Variants in KCNIP4 observed in about 807,000 individuals in gnomAD.
The protein encoded by KCNIP4 is Kv channel-interacting protein 4.
KCNIP4 carries 12 observed loss-of-function variants against 34.0 expected under a neutral mutation model. The ratio of observed to expected loss-of-function variants is 0.35; its 90% CI spans 0.23 to 0.57. The LOEUF (loss-of-function observed/expected upper bound fraction) is 0.57. Among genes scored for constraint, KCNIP4 ranks in the 20% least tolerant of loss-of-function variants. KCNIP4 has a pLI of 0.83. For missense variants in KCNIP4, 238 were observed against 311.7 expected (o/e 0.76, Z 1.78); for synonymous variants, 124 against 102.2 (o/e 1.21, Z -1.29).
chr4:21,458,161 A>C (rs968539963), intron 1 of KCNIP4, among the ~76,000 whole-genome samples: 3 of 108,768 alleles, frequency 2.8e-5, no homozygotes, highest in African/African-American at 1.1e-4. Flanking sequence ...ACCCTACCAC[A>C]GTCCCCAGAG....
chr4:21,814,404 G>A (rs1721848460), intron 1 of KCNIP4, among the ~76,000 whole-genome samples: 1 of 152,072 alleles, frequency 6.6e-6, no homozygotes, highest in Non-Finnish European at 1.5e-5. Context: ...CTGTTCTTGT[G>A]ACAGTGAATA....
At chr4:21,073,070 C>A (rs968573705) in intron 1 of KCNIP4, among the ~76,000 whole-genome samples, 2 of 152,180 alleles carry the variant, frequency 1.3e-5, no homozygotes, top group Non-Finnish European at 2.9e-5. Context: ...AGTTTGAAGT[C>A]AGGTAGCATG....
intron 1 of KCNIP4, among the ~76,000 whole-genome samples, chr4:21,125,405 C>T (rs373196510): frequency 2.6e-5 from 4 of 151,698 alleles, no homozygotes; most frequent in Non-Finnish European, 5.9e-5. Context: ...TTAGTAGAGA[C>T]GGGGTTTCAC....
intron 1 of KCNIP4, among the ~76,000 whole-genome samples, chr4:21,379,131 G>A (rs917280691): frequency 1.3e-5 from 2 of 151,694 alleles, no homozygotes; most frequent in South Asian, 4.2e-4. Context: ...TCTTATTTTT[G>A]GTGTTCTACA....
At chr4:21,351,224 T>G (rs1315610593) in intron 1 of KCNIP4, among the ~76,000 whole-genome samples, 1 of 152,120 alleles carries the variant, frequency 6.6e-6, no homozygotes, top group Non-Finnish European at 1.5e-5. Context: ...TCTGATATGG[T>G]TTGGCTGTGT....
rs1577503906 is a variant in KCNIP4 at position 21,517,092 on chromosome 4, G to T, written c.61+431479C>A. 2.0e-5 allele frequency among the ~76,000 whole-genome samples: 3 copies of T among 152,154 alleles called. No homozygotes were observed. In the South Asian group the frequency reaches 6.2e-4, roughly 32 times the overall value. On this transcript the variant is annotated intron_variant, in intron 1 of 8. Coordinates refer to ENST00000382152, the MANE Select transcript of KCNIP4 (RefSeq NM_025221.6). ...GAAGATCCTCATAGCTTTTTGTGAAGAACAATGGAAATTCTAAGGCTTCAT... is the reference window on the plus strand; with the variant it reads ...GAAGATCCTCATAGCTTTTTGTGAATAACAATGGAAATTCTAAGGCTTCAT...
chr4:21,779,728 T>G (rs965581014), intron 1 of KCNIP4, among the ~76,000 whole-genome samples: 7 of 151,974 alleles, frequency 4.6e-5, no homozygotes, highest in Non-Finnish European at 1.0e-4. Context: ...CACAGCAAGA[T>G]CCCATACCTA....
chr4:21,812,110 T>C (rs1298853344), intron 1 of KCNIP4, among the ~76,000 whole-genome samples: 1 of 152,214 alleles, frequency 6.6e-6, no homozygotes, highest in African/African-American at 2.4e-5. Flanking sequence ...TCACAATAAC[T>C]ATTTTCCAGA....
At chr4:21,238,191 A>G (rs1759519934) in intron 1 of KCNIP4, among the ~76,000 whole-genome samples, 1 of 152,224 alleles carries the variant, frequency 6.6e-6, no homozygotes, top group Non-Finnish European at 1.5e-5. Context: ...GCTTCATGCT[A>G]AAAACTCTCA....
chr4:20,754,469 G>T (rs1414290888), intron 4 of KCNIP4, among the ~76,000 whole-genome samples: 1 of 152,164 alleles, frequency 6.6e-6, no homozygotes, highest in African/African-American at 2.4e-5. Context: ...GCCATCACAT[G>T]AATTCGCCTG....
chr4:21,229,852 ATACTTACAGGCAGCTG>A (rs753372618), intron 1 of KCNIP4, among the ~76,000 whole-genome samples: 4 of 152,170 alleles, frequency 2.6e-5, no homozygotes, highest in South Asian at 2.1e-4. Context: ...TCTTCTTCGC[ATACTTACAGGCAGCTG>A]TAATCTACTT....
intron 1 of KCNIP4, among the ~76,000 whole-genome samples, chr4:21,093,049 GACTATATGT>G (rs1747141014): frequency 6.6e-6 from 1 of 152,152 alleles, no homozygotes; most frequent in South Asian, 2.1e-4. Context: ...TAATTTAAAA[GACTATATGT>G]ACATTCTCAA....
At chr4:21,845,199 A>G (rs1446041148) in intron 1 of KCNIP4, 1 of 152,076 alleles carries the variant, frequency 6.6e-6, no homozygotes, top group Non-Finnish European at 1.5e-5. Flanking sequence ...TTGCTTCTGT[A>G]AAGGACCAGT....
At chr4:21,759,648 C>A (rs904101093) in intron 1 of KCNIP4, among the ~76,000 whole-genome samples, 16 of 152,072 alleles carry the variant, frequency 1.1e-4, no homozygotes, top group Admixed American at 9.8e-4. Context: ...AAGAGGAGAC[C>A]TATTAACCTG....
chr4:21,289,820 A>C (rs1458301585), intron 1 of KCNIP4, among the ~76,000 whole-genome samples: 1 of 152,158 alleles, frequency 6.6e-6, no homozygotes, highest in East Asian at 1.9e-4. Flanking sequence ...GAAACTCAGA[A>C]ATGAAGGAAG....
chr4:20,886,796 G>C lies in KCNIP4; in HGVS notation c.62-4087C>G, dbSNP rs148838475. 1.2e-3 allele frequency among the ~76,000 whole-genome samples: 176 copies of C among 152,268 alleles called. No homozygotes were observed. The East Asian group carries it at 0.019, about 16-fold the overall frequency. On this transcript the variant is annotated intron_variant, in intron 1 of 8. Transcript: ENST00000382152. ...GCTAGAAAGACCAAAAAGAGCTGCT[G>C]AACTGTAGAATGCTTCGAAACAATA...
intron 1 of KCNIP4, among the ~76,000 whole-genome samples, chr4:21,836,207 T>C (rs894339087): frequency 1.3e-5 from 2 of 152,132 alleles, no homozygotes; most frequent in African/African-American, 2.4e-5. Flanking sequence ...TCTTACATAT[T>C]CCATAACAAA....
intron 1 of KCNIP4, among the ~76,000 whole-genome samples, chr4:21,032,409 G>T (rs1445345571): frequency 6.6e-6 from 1 of 152,026 alleles, no homozygotes; most frequent in African/African-American, 2.4e-5. Flanking sequence ...CTTGCTAAGG[G>T]TCTGTTATTG....
At chr4:21,762,039 A>C (rs1718092570) in intron 1 of KCNIP4, among the ~76,000 whole-genome samples, 4 of 152,178 alleles carry the variant, frequency 2.6e-5, no homozygotes. Flanking sequence ...TGACTAGTGG[A>C]AATATTACAA....
Sources: allele counts gnomAD v4.1 joint callset (sites outside exome capture counted in the v4.1 genomes callset), GRCh38; gene constraint gnomAD v4.1.1; transcripts MANE v1.5; gene names NCBI Gene and HGNC (gene_info 2026-07-23, HGNC 2026-07-21).